The following STK3 variants were observed in gnomAD, a reference collection of about 807,000 sequenced individuals.
STK3 encodes the protein serine/threonine kinase 3, also known as serine/threonine-protein kinase 3.
Under a neutral mutation model 58.0 loss-of-function variants are expected in STK3, and 41 were observed. That is an observed-to-expected ratio of 0.71 (90% confidence interval 0.55 to 0.92). STK3 has a LOEUF of 0.92. Ranked by LOEUF, STK3 falls within the 40% of genes least tolerant of loss-of-function variation. STK3 has a pLI of 0.00. For synonymous variants in STK3, 170 were observed against 191.0 expected, an observed-to-expected ratio of 0.89 and a Z score of 0.91; for missense variants, 479 against 602.7, an observed-to-expected ratio of 0.79 and a Z score of 2.15.
intron 6 of STK3, among the ~76,000 whole-genome samples, chr8:98,683,893 C>T (rs1823801121): frequency 6.6e-6 from 1 of 152,112 alleles, no homozygotes; most frequent in Admixed American, 6.5e-5. Context: ...ATATTAAGAA[C>T]CACAGTTCTC....
intron 3 of STK3, among the ~76,000 whole-genome samples, chr8:98,755,495 G>T (rs1255124913): frequency 6.6e-6 from 1 of 152,146 alleles, no homozygotes; most frequent in Admixed American, 6.5e-5. Context: ...ATATTCCATG[G>T]TAGCCTCTGA....
intron 1 of STK3, among the ~76,000 whole-genome samples, chr8:98,440,723 G>A (rs1046914291): frequency 1.3e-5 from 2 of 152,214 alleles, no homozygotes; most frequent in Non-Finnish European, 2.9e-5. Flanking sequence ...ATCTAAGGAG[G>A]AGGATGATGA....
Position 98,386,692 on chromosome 8 carries a change from A to G in STK3, n.56+1500T>C, listed in dbSNP as rs145330849. ...ATAGACTTTTACCTTAAAACTATGT[A>G]AATGCCAGCGGGCATGGTGGCTTAC... On this transcript the variant is annotated intron_variant and non_coding_transcript_variant, in intron 1 of 2. Coordinates refer to the STK3 transcript ENST00000518704. Among the ~76,000 whole-genome samples the G allele has an allele frequency of 2.9e-3, 442 of 152,332 alleles. 5 individuals carry two copies. Among genetic ancestry groups the G allele is most frequent in the African/African-American group, 0.01 (421 of 41,572 alleles).
At chr8:98,418,910 G>C (rs949863506) in intron 3 of STK3, among the ~76,000 whole-genome samples, 5 of 152,224 alleles carry the variant, frequency 3.3e-5, no homozygotes, top group African/African-American at 1.2e-4. Context: ...AAGACATGCA[G>C]TCAGTGCATT....
intron 6 of STK3, among the ~76,000 whole-genome samples, chr8:98,694,786 T>C (rs575728031): frequency 2.0e-5 from 3 of 152,354 alleles, no homozygotes; most frequent in East Asian, 1.9e-4. Flanking sequence ...GTCTTTGCTA[T>C]TGTGAATAGT....
intron 10 of STK3, among the ~76,000 whole-genome samples, chr8:98,516,124 G>T (rs542613084): frequency 6.6e-6 from 1 of 152,062 alleles, no homozygotes; most frequent in Non-Finnish European, 1.5e-5. Context: ...TTCAGATGCT[G>T]AAGTTTCCAA....
At chr8:98,576,922 T>C (rs187824562) in intron 8 of STK3, among the ~76,000 whole-genome samples, 5 of 152,230 alleles carry the variant, frequency 3.3e-5, no homozygotes, top group African/African-American at 4.8e-5. Context: ...GATCTTATTG[T>C]CCCCGTCCTG....
intron 2 of STK3, chr8:98,379,104 G>C (rs1237065028): frequency 1.3e-5 from 2 of 152,168 alleles, no homozygotes; most frequent in African/African-American, 4.8e-5. Context: ...TCAGATGGGG[G>C]TTAGGGGAAG....
chr8:98,800,755 C>T lies in STK3; in HGVS notation c.26+24760G>A, dbSNP rs1431835835. 3.9e-5 allele frequency among the ~76,000 whole-genome samples: 6 copies of T among 152,218 alleles called. No individual in the cohort carries two copies. The highest frequency in any genetic ancestry group is 1.9e-4 in the East Asian group (1 of 5,190). On this transcript the variant is annotated intron_variant, in intron 1 of 10. Transcript: ENST00000419617. The surrounding 1 kb of genome is among the most constrained non-coding windows in gnomAD (Gnocchi z 4.8). ...GGGCCAGCAGCTGCGGAAGGGGCAC[C>T]GGGTACCCCAGCACTGCCGGCCCTC...
chr8:98,696,164 T>C (rs1824900989), intron 6 of STK3, among the ~76,000 whole-genome samples: 1 of 152,178 alleles, frequency 6.6e-6, no homozygotes, highest in Admixed American at 6.5e-5. Flanking sequence ...GGCTGTCTGT[T>C]ATTGGTGTAT....
chr8:98,709,794 G>C (rs1360053216), intron 4 of STK3, among the ~76,000 whole-genome samples: 1 of 151,998 alleles, frequency 6.6e-6, no homozygotes. Context: ...TCTCACCATA[G>C]TAAAAGCCAT....
chr8:98,814,694 C>T (rs778501676), intron 1 of STK3, among the ~76,000 whole-genome samples: 15 of 151,948 alleles, frequency 9.9e-5, no homozygotes, highest in Non-Finnish European at 2.9e-5. Flanking sequence ...TTTTAGTTTA[C>T]TTTAGTTTGA....
rs540823130 is a variant in STK3, at chr8:98,893,943, T to G, written c.-78-10109A>C. On this transcript the variant is annotated intron_variant, in intron 1 of 1. Transcript: ENST00000519420. ...TATTAAAGTTTCAGCAGCCCATGCT[T>G]CATGTATTTTCCTCCCCAAGTATAC... 4.6e-5 allele frequency among the ~76,000 whole-genome samples: 7 copies of G among 152,358 alleles called. No individual in the cohort carries two copies. In the South Asian group the frequency reaches 1.5e-3, roughly 32 times the overall value.
chr8:98,780,564 C>A (rs768392294), intron 1 of STK3, among the ~76,000 whole-genome samples: 4 of 151,758 alleles, frequency 2.6e-5, no homozygotes, highest in Admixed American at 2.6e-4. Context: ...TTTAGTTTTG[C>A]AGTCTATTTG....
chr8:98,725,117 C>T (rs1008260020), intron 4 of STK3, among the ~76,000 whole-genome samples: 1 of 152,106 alleles, frequency 6.6e-6, no homozygotes, highest in Non-Finnish European at 1.5e-5. Flanking sequence ...CACTTTCATC[C>T]AGGAGACTGA....
In STK3 at chr8:98,764,650, G is replaced by A. The variant is rs143280579; in HGVS notation, c.236+2593C>T. ...AATGTTAAATGTGTAATTCCCTCTG[G>A]ATAGTCTAGTTGAGTTGCCCAAACA... is the stretch of plus-strand genomic sequence containing the variant. On this transcript the variant is annotated intron_variant, in intron 3 of 10. Coordinates refer to ENST00000419617, the MANE Select transcript of STK3 (RefSeq NM_006281.4). 8.9e-4 allele frequency among the ~76,000 whole-genome samples: 135 copies of A among 152,288 alleles called. 1 individual carries two copies. In the South Asian group the frequency reaches 0.013, roughly 15 times the overall value.
At chr8:98,580,761 A>G (rs899364796) in intron 7 of STK3, among the ~76,000 whole-genome samples, 4 of 152,188 alleles carry the variant, frequency 2.6e-5, no homozygotes. Flanking sequence ...TAGAGGCATG[A>G]GCCACTGCAC....
chr8:98,621,296 C>T (rs1818297049), intron 6 of STK3, among the ~76,000 whole-genome samples: 1 of 152,156 alleles, frequency 6.6e-6, no homozygotes, highest in African/African-American at 2.4e-5. Flanking sequence ...CTCATTAATT[C>T]TATGAGTTTA....
chr8:98,844,491 G>A (rs1836120371), intron 3 of STK3, among the ~76,000 whole-genome samples: 1 of 151,956 alleles, frequency 6.6e-6, no homozygotes, highest in African/African-American at 2.4e-5. Flanking sequence ...TTTGAGACAG[G>A]GATTGGCTCT....
Sources: gnomAD v4.1 joint callset for allele counts (sites outside exome capture counted in the v4.1 genomes callset) on GRCh38, gnomAD v4.1.1 for gene constraint, Gnocchi (gnomAD v3.1) non-coding constraint, MANE v1.5 for transcripts, NCBI Gene and HGNC (gene_info 2026-07-23, HGNC 2026-07-21) for gene names.